The following TRIO variants were observed in gnomAD, a reference collection of about 807,000 sequenced individuals.
TRIO encodes triple functional domain protein.
A neutral mutation model predicts 351.9 loss-of-function variants in TRIO; 58 were observed. That is an observed-to-expected ratio of 0.16 (90% CI 0.13 to 0.21). The LOEUF is 0.21. Ranked by LOEUF, TRIO falls within the 10% of genes least tolerant of loss-of-function variation. TRIO has a pLI of 1.00. For synonymous variants in TRIO, 1,758 were observed against 1,595.7 expected (o/e 1.10, Z -2.42); for missense variants, 3,201 against 4,027.8 (o/e 0.79, Z 5.56).
intron 55 of TRIO, among the ~76,000 whole-genome samples, chr5:14,505,486 G>C (rs928198310): frequency 6.6e-6 from 1 of 152,250 alleles, no homozygotes; most frequent in Non-Finnish European, 1.5e-5. Flanking sequence ...AGTTTGCATA[G>C]CTTCTTCAGT....
intron 31 of TRIO, among the ~76,000 whole-genome samples, chr5:14,403,036 AGGTGCAGGTTGTGGTGGGTTGTGAG>A (rs1291435064): frequency 3.0e-5 from 3 of 100,646 alleles, no homozygotes; most frequent in African/African-American, 1.2e-4. Context: ...GTGGTGGTGA[AGGTGCAGGTTGTGGTGGGTTGTGAG>A]GGTGCAGGTT....
chr5:14,433,566 ACAGTC>A (rs1191032960), intron 34 of TRIO, among the ~76,000 whole-genome samples: 1 of 152,178 alleles, frequency 6.6e-6, no homozygotes, highest in Non-Finnish European at 1.5e-5. Flanking sequence ...CGAAAGGAAA[ACAGTC>A]CAGAATTACT....
chr5:14,428,211 C>T (rs151259704), intron 34 of TRIO, among the ~76,000 whole-genome samples: 20 of 152,212 alleles, frequency 1.3e-4, no homozygotes, highest in African/African-American at 4.8e-4. Context: ...AGTTTAGTGA[C>T]ATTAAAAAGT....
intron 1 of TRIO, among the ~76,000 whole-genome samples, chr5:14,269,469 C>T (rs1795866216): frequency 6.6e-6 from 1 of 152,234 alleles, no homozygotes; most frequent in African/African-American, 2.4e-5. Context: ...TGGGCAGCAA[C>T]TCAAATTTTG....
chr5:14,431,876 GCTGT>G (rs1468033340), intron 34 of TRIO, among the ~76,000 whole-genome samples: 3 of 152,192 alleles, frequency 2.0e-5, no homozygotes, highest in Non-Finnish European at 2.9e-5. Context: ...TCTCCATATA[GCTGT>G]CTATCTCCCT....
At chr5:14,502,485 C>G (rs748231946) in intron 53 of TRIO, 94 bp from the exon 54 acceptor site, 2 of 1,288,888 alleles carry the variant, frequency 1.6e-6, no homozygotes, top group Non-Finnish European at 2.2e-6. Context: ...GGTGGCCACG[C>G]GCAGCTGCTG....
chr5:14,165,083 G>T (rs1299097858), intron 1 of TRIO, among the ~76,000 whole-genome samples: 1 of 152,286 alleles, frequency 6.6e-6, no homozygotes, highest in Non-Finnish European at 1.5e-5. Context: ...TACCCGTGTT[G>T]CCCCTTTAAG....
intron 33 of TRIO, among the ~76,000 whole-genome samples, chr5:14,417,607 T>C (rs1385082287): frequency 6.6e-6 from 1 of 152,174 alleles, no homozygotes; most frequent in Admixed American, 6.5e-5. Context: ...TCCTCCTCCC[T>C]TCTCTCACTC....
chr5:14,394,156 T>C (rs1324371606), intron 28 of TRIO, 26 bp downstream of exon 28: 2 of 1,419,274 alleles, frequency 1.4e-6, no homozygotes, highest in South Asian at 1.3e-5. Flanking sequence ...CTTCAGCCTG[T>C]GAAATTTTAT....
intron 53 of TRIO, among the ~76,000 whole-genome samples, chr5:14,500,049 TCA>T (rs747554517): frequency 7.8e-5 from 6 of 77,102 alleles, no homozygotes; most frequent in Non-Finnish European, 1.6e-4. Context: ...AGACTCTGTC[TCA>T]AAAAAAAAAA....
At chr5:14,417,027 C>T (rs183120752) in intron 33 of TRIO, among the ~76,000 whole-genome samples, 101 of 152,332 alleles carry the variant, frequency 6.6e-4, no homozygotes, top group African/African-American at 2.2e-3. Context: ...TACCCTCCTT[C>T]GGGGCCTGCA....
rs190208033 is a variant in TRIO at position 14,474,136 on chromosome 5, A to G, written c.6083+39A>G. 8 of 1,586,796 alleles carry G rather than the reference A, an allele frequency of 5.0e-6. No individual in the cohort carries two copies. The African/African-American group carries it at 8.0e-5, about 16-fold the overall frequency. ...CATTGTGCCCGATGGTGTGCAAAGC[A>G]GCCACACTTGCTAAACCAAGGCAGG... On this transcript the variant is annotated intron_variant, in intron 40 of 56. Coordinates refer to ENST00000344204, the MANE Select transcript of TRIO (RefSeq NM_007118.4).
At chr5:14,260,732 C>A (rs1409955767) in intron 1 of TRIO, among the ~76,000 whole-genome samples, 1 of 152,138 alleles carries the variant, frequency 6.6e-6, no homozygotes, top group African/African-American at 2.4e-5. Context: ...TGGGCATGGA[C>A]CTAAAGTATC....
intron 9 of TRIO, among the ~76,000 whole-genome samples, chr5:14,319,403 C>T (rs561751924): frequency 2.6e-5 from 4 of 152,214 alleles, no homozygotes; most frequent in East Asian, 1.9e-4. Context: ...AAACCAAAAA[C>T]GTGTTTCTGA....
At chr5:14,401,489 C>T (rs1748064379) in intron 31 of TRIO, among the ~76,000 whole-genome samples, 2 of 152,148 alleles carry the variant, frequency 1.3e-5, no homozygotes, top group Non-Finnish European at 1.5e-5. Context: ...CGAGGCCAAC[C>T]GTACCCACAG....
rs752448268 is a variant in TRIO at position 14,489,035 on chromosome 5, A to G, written c.7632+775A>G. ...TACCCACCTGTTTCCTACAGGGCAGATGGCCTGGCCCGTAACACTTTCCTG... is the reference window on the plus strand; with the variant it reads ...TACCCACCTGTTTCCTACAGGGCAGGTGGCCTGGCCCGTAACACTTTCCTG... On this transcript the variant is annotated intron_variant, in intron 48 of 56. Transcript: ENST00000344204. 1.3e-4 allele frequency: 100 copies of G among 765,196 alleles called. No individual in the cohort carries two copies. Among genetic ancestry groups the G allele is most frequent in the Non-Finnish European group, 2.1e-4 (87 of 417,898 alleles). The allele number at this position is 765,196 out of a possible 1,614,324, so 47.4% of individuals were successfully genotyped here.
At chr5:14,418,553 G>A (rs79208022) in intron 33 of TRIO, among the ~76,000 whole-genome samples, 1,750 of 152,236 alleles carry the variant, frequency 0.011, 21 homozygotes, top group African/African-American at 0.04. Flanking sequence ...AGACAACACC[G>A]GAAGAAAAAG....
At chr5:14,144,240 A>C (rs556024141) in intron 1 of TRIO, among the ~76,000 whole-genome samples, 3 of 152,152 alleles carry the variant, frequency 2.0e-5, no homozygotes, top group South Asian at 4.1e-4. Context: ...AGGACCGAGG[A>C]GGCGGCGGCG....
intron 21 of TRIO, among the ~76,000 whole-genome samples, chr5:14,387,145 C>A (rs1369154801): frequency 6.6e-6 from 1 of 152,224 alleles, no homozygotes; most frequent in Non-Finnish European, 1.5e-5. Context: ...CTCCATGCAT[C>A]CATTCTACAC....
Sources: gnomAD v4.1 joint callset for allele counts (sites outside exome capture counted in the v4.1 genomes callset) on GRCh38, gnomAD v4.1.1 for gene constraint, MANE v1.5 for transcripts, NCBI Gene and HGNC (gene_info 2026-07-23, HGNC 2026-07-21) for gene names.